Variants in COPG2 observed in about 807,000 individuals in gnomAD.
COPG2 encodes coat protein complex I subunit gamma 2.
A neutral mutation model predicts 46.3 loss-of-function variants in COPG2; 37 were observed. The ratio of observed to expected loss-of-function variants is 0.80; its 90% CI spans 0.61 to 1.05. COPG2 has a LOEUF of 1.05. Among genes scored for constraint, COPG2 ranks in the 50% least tolerant of loss-of-function variants. The pLI is 0.00. For synonymous variants in COPG2, 159 were observed against 129.7 expected, an observed-to-expected ratio of 1.23 and a Z score of -1.53; for missense variants, 427 against 387.8, an observed-to-expected ratio of 1.10 and a Z score of -0.85.
intron 2 of COPG2, 59 bp from the exon 3 acceptor site, chr7:130,666,988 C>G: frequency 1.1e-6 from 1 of 888,656 alleles, no homozygotes; most frequent in Non-Finnish European, 1.8e-6. Flanking sequence ...CAGATTATAG[C>G]AAATCAACTT....
At chr7:130,593,042 C>A (rs975686298) in intron 9 of COPG2, among the ~76,000 whole-genome samples, 1 of 152,220 alleles carries the variant, frequency 6.6e-6, no homozygotes, top group Non-Finnish European at 1.5e-5. Flanking sequence ...TTACTCCAGG[C>A]TTTATAAGTT....
chr7:130,613,616 A>C lies in COPG2; in HGVS notation c.420T>G (p.Ile140Met). Residue 140 changes from isoleucine to methionine, a missense_variant, in exon 7 of 24, where the codon ATT becomes ATG. Coordinates refer to ENST00000425248, the MANE Select transcript of COPG2 (RefSeq NM_012133.6). The stretch of plus-strand genomic sequence containing the variant: ...CAATGGCCTGCTTCATGTATCTTTC[A>C]ATGGCTTGCAACATTGTTCCCTAAT... The part of the protein sequence containing the change: ...RITDGTMLQA[I>M]ERYMKQAIVD... The C allele has an allele frequency of 1.9e-6, 3 of 1,599,408 alleles. No individual in the cohort carries two copies. Among genetic ancestry groups the C allele is most frequent in the Non-Finnish European group, 2.6e-6 (3 of 1,171,798 alleles).
At chr7:130,533,138 G>T (rs1442316976) in intron 20 of COPG2, among the ~76,000 whole-genome samples, 2 of 152,206 alleles carry the variant, frequency 1.3e-5, no homozygotes, top group African/African-American at 4.8e-5. Context: ...TTAGAGAGGT[G>T]AGCTTGTTGA....
chr7:130,510,864 G>A (rs12706944), intron 20 of COPG2: 252,967 of 512,680 alleles, frequency 0.49, 67,184 homozygotes, highest in East Asian at 0.6. Flanking sequence ...GCCTTTCCAT[G>A]GCAAGAAAAT....
chr7:130,513,302 AAAAAAAATAT>A lies in COPG2; in HGVS notation c.2150-4653_2150-4644del, dbSNP rs1379326257. ...AAATAATTCTGTCTAAAAAAAAAAAAAAAAAAATATATATATATATATATATATATATATA... is the reference window on the plus strand; with the variant it reads ...AAATAATTCTGTCTAAAAAAAAAAAAATATATATATATATATATATATATA... On this transcript the variant is annotated intron_variant, in intron 20 of 23. Transcript: ENST00000425248. Among the ~76,000 whole-genome samples, 31 of 38,274 alleles carry A rather than the reference AAAAAAAATAT, an allele frequency of 8.1e-4. 1 individual carries two copies. Among genetic ancestry groups the A allele is most frequent in the African/African-American group, 2.2e-3 (18 of 8,108 alleles). 25.1% of individuals were successfully genotyped at this position (38,274 alleles called of 152,430 possible). A position where few individuals can be genotyped will look rare whatever the true frequency, so the allele number is the denominator to read the frequency against.
intron 22 of COPG2, 93 bp from the exon 23 acceptor site, chr7:130,507,465 GT>G: frequency 2.7e-6 from 2 of 751,232 alleles, no homozygotes; most frequent in East Asian, 2.4e-5. Context: ...GGGTGGAAGG[GT>G]TTGTTGGTGA....
intron 20 of COPG2, among the ~76,000 whole-genome samples, chr7:130,517,035 C>T (rs1799684201): frequency 6.6e-6 from 1 of 151,972 alleles, no homozygotes; most frequent in African/African-American, 2.4e-5. Context: ...GAATGACACA[C>T]AGGTGACAGC....
At chr7:130,539,085 G>A (rs1416497924) in intron 20 of COPG2, among the ~76,000 whole-genome samples, 1 of 152,132 alleles carries the variant, frequency 6.6e-6, no homozygotes, top group African/African-American at 2.4e-5. Context: ...TGGATGGCAG[G>A]ACCTGTGTAA....
At chr7:130,654,733 AC>A (rs1795815493) in intron 4 of COPG2, among the ~76,000 whole-genome samples, 1 of 152,048 alleles carries the variant, frequency 6.6e-6, no homozygotes, top group African/African-American at 2.4e-5. Flanking sequence ...CCAAAGTATT[AC>A]CCCACAGGTT....
intron 5 of COPG2, among the ~76,000 whole-genome samples, chr7:130,629,911 T>TCTTTC (rs1181776240): frequency 1.1e-4 from 16 of 151,996 alleles, no homozygotes; most frequent in African/African-American, 3.6e-4. Context: ...TTTGTTTCTT[T>TCTTTC]CTTTCCTTTC....
At chr7:130,535,601 C>T (rs1799870881) in intron 20 of COPG2, among the ~76,000 whole-genome samples, 1 of 139,894 alleles carries the variant, frequency 7.1e-6, no homozygotes, top group Non-Finnish European at 1.5e-5. Context: ...AATCTTGGGC[C>T]AGGCTCTTTA....
At chr7:130,515,547 C>T (rs1799671771) in intron 20 of COPG2, among the ~76,000 whole-genome samples, 1 of 152,164 alleles carries the variant, frequency 6.6e-6, no homozygotes, top group Admixed American at 6.5e-5. Flanking sequence ...GGGTAAGGCC[C>T]TGCAGCTTGT....
chr7:130,638,817 C>A (rs918933463), intron 5 of COPG2, among the ~76,000 whole-genome samples: 3 of 152,102 alleles, frequency 2.0e-5, no homozygotes, highest in African/African-American at 4.8e-5. Context: ...TCTGCCCAAA[C>A]GGCCGCCCAG....
At chr7:130,507,914 G>A in intron 21 of COPG2, 91 bp from the exon 22 acceptor site, 1 of 704,488 alleles carries the variant, frequency 1.4e-6, no homozygotes, top group Non-Finnish European at 2.6e-6. Context: ...CCGGAGCCTA[G>A]AGAAAACTCT....
intron 20 of COPG2, among the ~76,000 whole-genome samples, chr7:130,512,517 C>T (rs1799612259): frequency 6.6e-6 from 1 of 151,826 alleles, no homozygotes; most frequent in African/African-American, 2.4e-5. Context: ...CAGTGGCTCA[C>T]ACTTGTAATT....
intron 9 of COPG2, among the ~76,000 whole-genome samples, chr7:130,604,400 TAC>T (rs1794692606): frequency 6.6e-6 from 1 of 152,222 alleles, no homozygotes; most frequent in Non-Finnish European, 1.5e-5. Flanking sequence ...TGTAGAGATA[TAC>T]ACAAATTTTA....
chr7:130,568,144 G>A (rs966503496), intron 9 of COPG2, among the ~76,000 whole-genome samples: 6 of 152,064 alleles, frequency 3.9e-5, no homozygotes, highest in Non-Finnish European at 7.4e-5. Context: ...GCATGGTGGT[G>A]GATGCCTGTA....
intron 5 of COPG2, among the ~76,000 whole-genome samples, chr7:130,639,653 C>T (rs1193159295): frequency 6.6e-6 from 1 of 152,212 alleles, no homozygotes; most frequent in Admixed American, 6.5e-5. Context: ...ATTACAAGTT[C>T]TGCCTCGCCT....
At chr7:130,588,450 G>C (rs1794329141) in intron 9 of COPG2, among the ~76,000 whole-genome samples, 1 of 151,994 alleles carries the variant, frequency 6.6e-6, no homozygotes, top group Non-Finnish European at 1.5e-5. Context: ...TATACACCAT[G>C]GAATACTATG....
Sources: gnomAD v4.1 joint callset for allele counts (sites outside exome capture counted in the v4.1 genomes callset) on GRCh38, gnomAD v4.1.1 for gene constraint, MANE v1.5 for transcripts, NCBI Gene and HGNC (gene_info 2026-07-23, HGNC 2026-07-21) for gene names.